The following NEDD4L variants were observed in gnomAD, a reference collection of about 807,000 sequenced individuals.
NEDD4L encodes the protein NEDD4 like E3 ubiquitin protein ligase.
In NEDD4L, 54 loss-of-function variants were observed where a neutral mutation model predicts 148.9. That is an observed-to-expected ratio of 0.36 (90% CI 0.29 to 0.45). The LOEUF is 0.45. NEDD4L is among the 20% of genes least tolerant of loss of function. NEDD4L has a pLI of 1.00. For synonymous variants in NEDD4L, 433 were observed against 440.7 expected, an observed-to-expected ratio of 0.98 and a Z score of 0.22; for missense variants, 856 against 1,233.8, an observed-to-expected ratio of 0.69 and a Z score of 4.59.
chr18:58,186,040 CGT>C (rs2039440492), intron 2 of NEDD4L, among the ~76,000 whole-genome samples: 1 of 151,926 alleles, frequency 6.6e-6, no homozygotes, highest in Non-Finnish European at 1.5e-5. Context: ...GAGAAGGATA[CGT>C]ATGCACACGC....
At chr18:58,152,278 C>T (rs1173607620) in intron 1 of NEDD4L, among the ~76,000 whole-genome samples, 2 of 152,184 alleles carry the variant, frequency 1.3e-5, no homozygotes. Context: ...GAGAGCAACA[C>T]TCAGGACCTG....
intron 2 of NEDD4L, 34 bp downstream of exon 2, chr18:58,165,895 C>G: frequency 6.5e-7 from 1 of 1,541,156 alleles, no homozygotes; most frequent in Non-Finnish European, 8.9e-7. Flanking sequence ...CTGTGGACTT[C>G]TGAAAAATTG....
At chr18:58,168,691 C>G (rs2037175879) in intron 2 of NEDD4L, among the ~76,000 whole-genome samples, 1 of 152,190 alleles carries the variant, frequency 6.6e-6, no homozygotes, top group African/African-American at 2.4e-5. Flanking sequence ...TCTCCCTTGG[C>G]AGCAAGAAGG....
intron 5 of NEDD4L, among the ~76,000 whole-genome samples, chr18:58,305,370 C>T (rs2056942571): frequency 6.6e-6 from 1 of 152,216 alleles, no homozygotes. Flanking sequence ...ATCACACCTA[C>T]AACTGAGCCC....
chr18:58,152,933 C>G (rs2034974985), intron 1 of NEDD4L, among the ~76,000 whole-genome samples: 1 of 152,220 alleles, frequency 6.6e-6, no homozygotes, highest in Non-Finnish European at 1.5e-5. Flanking sequence ...TGGGAAATCT[C>G]ATGACAGGCA....
At chr18:58,386,826 G>A (rs547606745) in intron 26 of NEDD4L, among the ~76,000 whole-genome samples, 11 of 152,280 alleles carry the variant, frequency 7.2e-5, no homozygotes, top group Non-Finnish European at 1.3e-4. Flanking sequence ...CTTAAAATGG[G>A]AGGACAGAAT....
At chr18:58,260,700 TAAA>T (rs2049254355) in intron 5 of NEDD4L, among the ~76,000 whole-genome samples, 1 of 152,230 alleles carries the variant, frequency 6.6e-6, no homozygotes, top group African/African-American at 2.4e-5. Flanking sequence ...TTTGCACAAT[TAAA>T]AAGTATATGT....
intron 2 of NEDD4L, among the ~76,000 whole-genome samples, chr18:58,168,434 A>G (rs1349912946): frequency 2.0e-5 from 3 of 152,230 alleles, no homozygotes; most frequent in Admixed American, 2.0e-4. Flanking sequence ...CACTCATGCC[A>G]CTGTGTATTA....
rs1378175765 is a variant in NEDD4L at position 58,078,687 on chromosome 18, T to TA, written c.48+33980dup. ...AATATGTACAATGGAACAGAAAGCT[T>TA]ACAGAAATAAAGGGCAGTTCTTTTC... is the stretch of plus-strand genomic sequence containing the variant. On this transcript the variant is annotated intron_variant, in intron 1 of 30. Coordinates refer to ENST00000400345, the MANE Select transcript of NEDD4L (RefSeq NM_001144967.3). Among the ~76,000 whole-genome samples, 14 of 152,294 alleles carry TA rather than the reference T, an allele frequency of 9.2e-5. 1 individual carries two copies. Among genetic ancestry groups the TA allele is most frequent in the African/African-American group, 3.4e-4 (14 of 41,566 alleles).
chr18:58,295,620 T>G (rs369494308), intron 5 of NEDD4L, among the ~76,000 whole-genome samples: 1 of 152,152 alleles, frequency 6.6e-6, no homozygotes, highest in Non-Finnish European at 1.5e-5. Context: ...TTAAAATATC[T>G]CAGTGATCAT....
At chr18:58,387,564 G>C in intron 27 of NEDD4L, 66 bp downstream of exon 27, 1 of 1,390,608 alleles carries the variant, frequency 7.2e-7, no homozygotes, top group Non-Finnish European at 9.6e-7. Context: ...TACTTTACAA[G>C]TAATATTTTA....
intron 22 of NEDD4L, among the ~76,000 whole-genome samples, chr18:58,368,107 C>A (rs2046354035): frequency 6.6e-6 from 1 of 151,964 alleles, no homozygotes; most frequent in African/African-American, 2.4e-5. Flanking sequence ...AAACACAGAA[C>A]ATTATGTATT....
intron 1 of NEDD4L, among the ~76,000 whole-genome samples, chr18:58,128,703 G>A (rs766850858): frequency 5.9e-5 from 9 of 152,190 alleles, no homozygotes. Flanking sequence ...GTTTCTGTGT[G>A]TAAATGTTGG....
intron 2 of NEDD4L, among the ~76,000 whole-genome samples, chr18:58,231,961 A>G (rs2045294742): frequency 6.6e-6 from 1 of 152,240 alleles, no homozygotes; most frequent in South Asian, 2.1e-4. Flanking sequence ...TGCTGGTTAA[A>G]TATAACAGAG....
chr18:58,367,972 C>T, intron 22 of NEDD4L, 105 bp downstream of exon 22: 1 of 1,221,622 alleles, frequency 8.2e-7, no homozygotes, highest in South Asian at 1.5e-5. Flanking sequence ...CACTGGTTTA[C>T]TCATAAAGTA....
At position 58,391,549 on chromosome 18, in the gene NEDD4L, G is replaced by A. The variant is rs367735608; in HGVS notation, c.2815G>A (p.Ala939Thr). Reference protein sequence around the residue: ...QWGSPEKLPRAHTCFNRLDLP... With the variant: ...QWGSPEKLPRTHTCFNRLDLP... ...GGGCAGTCCTGAGAAACTGCCCAGA[G>A]CTCACACATGGTGAGTGACAAAAAC... The change falls in exon 30 of 31, where the codon GCT becomes ACT. Residue 939 changes from alanine (A) to threonine (T), a missense_variant. Ala to Thr is a moderately conservative substitution (Grantham distance 58). This residue lies in a region of NEDD4L where 286 missense variants were observed against 531.8 expected (regional missense o/e 0.54). Coordinates refer to ENST00000400345, the MANE Select transcript of NEDD4L (RefSeq NM_001144967.3). 26 of 1,571,542 alleles carry A rather than the reference G, an allele frequency of 1.7e-5. No individual in the cohort carries two copies. The African/African-American group carries it at 3.4e-4, about 20-fold the overall frequency.
rs62096395 is a variant in NEDD4L, at chr18:58,322,259, C to T, written c.349-166C>T. The stretch of plus-strand genomic sequence containing the variant: ...GTGTGGATAGTGACATCTAGTGGAT[C>T]TCTAGTAGATCAGTTCCGTGGACTG... On this transcript the variant is annotated intron_variant, in intron 6 of 30. Transcript: ENST00000400345. Among the ~76,000 whole-genome samples, 20 of 152,328 alleles carry T rather than the reference C, an allele frequency of 1.3e-4. No individual in the cohort carries two copies. The South Asian group carries it at 2.1e-3, about 16-fold the overall frequency.
At chr18:58,155,325 A>G (rs1330248123) in intron 1 of NEDD4L, among the ~76,000 whole-genome samples, 1 of 152,084 alleles carries the variant, frequency 6.6e-6, no homozygotes, top group African/African-American at 2.4e-5. Context: ...AAAAAAAAAA[A>G]AAAACGCTCC....
intron 6 of NEDD4L, among the ~76,000 whole-genome samples, chr18:58,319,556 C>G (rs888454815): frequency 6.6e-6 from 1 of 152,148 alleles, no homozygotes; most frequent in Admixed American, 6.5e-5. Flanking sequence ...GCTATTGTGG[C>G]TAATAGCACT....
Sources: allele counts gnomAD v4.1 joint callset (sites outside exome capture counted in the v4.1 genomes callset), GRCh38; gene constraint gnomAD v4.1.1; regional missense constraint gnomAD v4.1.1; transcripts MANE v1.5; gene names NCBI Gene and HGNC (gene_info 2026-07-23, HGNC 2026-07-21).